TBXA2R: variants seen among roughly 807,000 people sequenced by gnomAD.
The protein encoded by TBXA2R is thromboxane A2 receptor, also known as prostanoid TP receptor.
TBXA2R carries 15 observed loss-of-function variants against 15.6 expected under a neutral mutation model. The observed-to-expected ratio is 0.96, with a 90% CI of 0.64 to 1.48. TBXA2R has a LOEUF of 1.48. TBXA2R is among the 40% of genes most tolerant of loss of function. The pLI is 0.00. For synonymous variants in TBXA2R, 280 were observed against 241.2 expected (o/e 1.16, Z -1.49); for missense variants, 506 against 491.4 (o/e 1.03, Z -0.28).
chr19:3,594,648 A>C lies in TBXA2R; in HGVS notation c.*1040T>G. On this transcript the variant is annotated 3_prime_UTR_variant, in exon 3 of 3. Coordinates refer to ENST00000375190, the MANE Select transcript of TBXA2R (RefSeq NM_001060.6). ...CCCATCAAGTGATTAGGAAACACTC[A>C]AGAAACAAGGTGGGGGAGGAACCGA... The C allele has an allele frequency of 1.9e-6, 1 of 518,888 alleles. No individual in the cohort carries two copies. Among genetic ancestry groups the C allele is most frequent in the East Asian group, 3.3e-5 (1 of 30,386 alleles). 32.1% of individuals were successfully genotyped at this position (518,888 alleles called of 1,614,324 possible).
At chr19:3,605,325 G>A (rs915470365) in intron 1 of TBXA2R, among the ~76,000 whole-genome samples, 1 of 152,248 alleles carries the variant, frequency 6.6e-6, no homozygotes, top group Non-Finnish European at 1.5e-5. Context: ...GGCCACCACC[G>A]TGTGTGCACA....
chr19:3,595,664 C>T lies in TBXA2R; in HGVS notation c.*24G>A, dbSNP rs200736764. 94 of 1,557,236 alleles carry T rather than the reference C, an allele frequency of 6.0e-5. No homozygotes were observed. The South Asian group carries it at 8.7e-4, about 14-fold the overall frequency. ...GGGCCAAGGGCTCCGCGGAAAGGCG[C>T]GGGAGGGGCGCTCTGTCCACTTCCT... is the stretch of plus-strand genomic sequence containing the variant. On this transcript the variant is annotated 3_prime_UTR_variant, in exon 3 of 3. Coordinates refer to ENST00000375190, the MANE Select transcript of TBXA2R (RefSeq NM_001060.6).
chr19:3,600,453 G>A lies in TBXA2R; in HGVS notation c.182C>T (p.Ser61Phe), dbSNP rs992006891. 5 of 1,612,818 alleles carry A rather than the reference G, an allele frequency of 3.1e-6. No individual in the cohort carries two copies. The highest frequency in any genetic ancestry group is 1.7e-5 in the Admixed American group (1 of 59,974). ...GCCGCAGAGGAAGGTGAGGAAGGAGGAGCGCGTGTGCGAACCCCCCTGCCG... is the reference window on the plus strand; with the variant it reads ...GCCGCAGAGGAAGGTGAGGAAGGAGAAGCGCGTGTGCGAACCCCCCTGCCG... ...GARQGGSHTR[S>F]SFLTFLCGLV... Residue 61 changes from serine (S) to phenylalanine (F), a missense_variant, in exon 2 of 3, where the codon TCC becomes TTC. By Grantham distance (155) the Ser-to-Phe change is radical (BLOSUM62 -2). Coordinates refer to ENST00000375190, the MANE Select transcript of TBXA2R (RefSeq NM_001060.6).
In TBXA2R at chr19:3,595,668, A is replaced by C; in HGVS notation, c.*20T>G. The C allele has an allele frequency of 6.4e-7, 1 of 1,562,506 alleles. No homozygotes were observed. Among genetic ancestry groups the C allele is most frequent in the South Asian group, 1.2e-5 (1 of 85,268 alleles). On this transcript the variant is annotated 3_prime_UTR_variant, in exon 3 of 3. Transcript: ENST00000375190. ...CAAGGGCTCCGCGGAAAGGCGCGGG[A>C]GGGGCGCTCTGTCCACTTCCTACTG...
At position 3,605,683 on chromosome 19, in the gene TBXA2R, A is replaced by G. The variant is rs139660187; in HGVS notation, c.-84+847T>C. ...GCAGAAATGTGACAGACAGAAACAC[A>G]GTAGACAGACGCACAGGCATGCACA... On this transcript the variant is annotated intron_variant, in intron 1 of 2. Transcript: ENST00000375190. Among the ~76,000 whole-genome samples the G allele has an allele frequency of 1.9e-3, 287 of 152,240 alleles. 2 individuals are homozygous for G. Among genetic ancestry groups the G allele is most frequent in the South Asian group, 8.9e-3 (43 of 4,812 alleles).
At chr19:3,596,444 G>A (rs886691858) in intron 2 of TBXA2R, among the ~76,000 whole-genome samples, 4 of 152,076 alleles carry the variant, frequency 2.6e-5, no homozygotes, top group African/African-American at 9.7e-5. Context: ...AGTGGCTCAC[G>A]CCTGTGATCT....
At chr19:3,602,089 C>T (rs537070679) in intron 1 of TBXA2R, among the ~76,000 whole-genome samples, 5 of 152,088 alleles carry the variant, frequency 3.3e-5, no homozygotes, top group East Asian at 1.9e-4. Context: ...GGCGTGGTGG[C>T]GGGAGCCTGT....
Position 3,595,641 on chromosome 19 carries a change from G to T in TBXA2R, c.*47C>A, listed in dbSNP as rs201515360. ...AACAGGCAGATGGGCTGTCCGAGGG[G>T]CCAAGGGCTCCGCGGAAAGGCGCGG... On this transcript the variant is annotated 3_prime_UTR_variant, in exon 3 of 3. Transcript: ENST00000375190. The T allele has an allele frequency of 3.9e-6, 6 of 1,525,724 alleles. No homozygotes were observed. In the African/African-American group the frequency reaches 6.8e-5, roughly 17 times the overall value. 94.5% of individuals were successfully genotyped at this position (1,525,724 alleles called of 1,614,324 possible).
intron 2 of TBXA2R, among the ~76,000 whole-genome samples, chr19:3,598,896 T>C (rs2032655256): frequency 2.0e-5 from 3 of 152,088 alleles, no homozygotes; most frequent in Admixed American, 2.0e-4. Context: ...TCTCCATCTC[T>C]TGACCTCATG....
chr19:3,601,949 C>T (rs557188244), intron 1 of TBXA2R, among the ~76,000 whole-genome samples: 10 of 149,902 alleles, frequency 6.7e-5, no homozygotes, highest in African/African-American at 1.5e-4. Context: ...CGGCCAGGTG[C>T]GGTGGCTCAC....
In TBXA2R at chr19:3,600,422, G is replaced by A; in HGVS notation, c.213C>T (p.Val71=). 8 of 1,613,350 alleles carry A rather than the reference G, an allele frequency of 5.0e-6. No homozygotes were observed. The highest frequency in any genetic ancestry group is 6.8e-6 in the Non-Finnish European group (8 of 1,179,732). ...CCAGCAGCCCCAGGAAGTCGGTGAG[G>A]ACGAGGCCGCAGAGGAAGGTGAGGA... ...SSFLTFLCGL[V]LTDFLGLLVT... The change falls in exon 2 of 3, where the codon GTC becomes GTT. Residue 71 remains valine, a synonymous_variant. Coordinates refer to ENST00000375190, the MANE Select transcript of TBXA2R (RefSeq NM_001060.6).
In TBXA2R at chr19:3,594,677, C is replaced by T; in HGVS notation, c.*1011G>A. 1 of 595,784 alleles carries T rather than the reference C, an allele frequency of 1.7e-6. No individual in the cohort carries two copies. The highest frequency in any genetic ancestry group is 3.0e-5 in the East Asian group (1 of 33,388). The allele number at this position is 595,784 out of a possible 1,614,324, so 36.9% of individuals were successfully genotyped here. ...AACAAGGTGGGGGAGGAACCGAATC[C>T]TCTATGTCCCTCCCCATCCTTCCCA... On this transcript the variant is annotated 3_prime_UTR_variant, in exon 3 of 3. Coordinates refer to ENST00000375190, the MANE Select transcript of TBXA2R (RefSeq NM_001060.6).
chr19:3,594,847 T>TGGACAGAGCCTTCCC lies in TBXA2R; in HGVS notation c.*826_*840dup. 6.5e-7 allele frequency: 1 copy of TGGACAGAGCCTTCCC among 1,536,820 alleles called. No homozygotes were observed. Among genetic ancestry groups the TGGACAGAGCCTTCCC allele is most frequent in the Middle Eastern group, 1.7e-4 (1 of 5,988 alleles). The stretch of plus-strand genomic sequence containing the variant: ...GCCCCCGTTCACATTCAATCCTTTC[T>TGGACAGAGCCTTCCC]GGACAGAGCCTTCCCTGTTGGAGGT... On this transcript the variant is annotated 3_prime_UTR_variant, in exon 3 of 3. Transcript: ENST00000375190.
rs5752 is a variant in TBXA2R, at chr19:3,599,873, G to T, written c.762C>A (p.Ala254=). 340 of 1,549,180 alleles carry T rather than the reference G, an allele frequency of 2.2e-4. 3 individuals are homozygous for T. The African/African-American group carries it at 4.3e-3, about 20-fold the overall frequency. Residue 254 remains alanine (A), a synonymous_variant, in exon 2 of 3, where the codon GCC becomes GCA. Transcript: ENST00000375190. The part of the protein sequence containing the change: ...MAQLLGIMVV[A]SVCWLPLLVF... ...CCAGAAGGGGCAGCCAACACACGCT[G>T]GCCACCACCATGATCCCCAGGAGCT...
At chr19:3,603,267 C>T (rs2032772972) in intron 1 of TBXA2R, among the ~76,000 whole-genome samples, 1 of 152,230 alleles carries the variant, frequency 6.6e-6, no homozygotes, top group African/African-American at 2.4e-5. Flanking sequence ...ACGCTGTATC[C>T]AGCCTCATAA....
At position 3,600,449 on chromosome 19, in the gene TBXA2R, G is replaced by T. The variant is rs369317351; in HGVS notation, c.186C>A (p.Ser62=). The T allele has an allele frequency of 1.5e-5, 24 of 1,612,964 alleles. No homozygotes were observed. The African/African-American group carries it at 3.2e-4, about 22-fold the overall frequency. The change falls in exon 2 of 3, where the codon TCC becomes TCA. Residue 62 remains serine (S), a synonymous_variant. Coordinates refer to ENST00000375190, the MANE Select transcript of TBXA2R (RefSeq NM_001060.6). ...CGAGGCCGCAGAGGAAGGTGAGGAA[G>T]GAGGAGCGCGTGTGCGAACCCCCCT... The part of the protein sequence containing the change: ...ARQGGSHTRS[S]FLTFLCGLVL...
In TBXA2R at chr19:3,599,492, G is replaced by A. The variant is rs1030898350; in HGVS notation, c.786+357C>T. ...CTACAGGTGCCTGCCACCACGCCTG[G>A]CTAATTTTTTTGCATTTTTAGTAGA... On this transcript the variant is annotated intron_variant, in intron 2 of 2. Coordinates refer to ENST00000375190, the MANE Select transcript of TBXA2R (RefSeq NM_001060.6). 7.9e-5 allele frequency among the ~76,000 whole-genome samples: 12 copies of A among 152,180 alleles called. No individual in the cohort carries two copies. In the East Asian group the frequency reaches 2.1e-3, roughly 27 times the overall value.
intron 2 of TBXA2R, among the ~76,000 whole-genome samples, chr19:3,597,086 T>C (rs1335868378): frequency 1.3e-5 from 2 of 151,292 alleles, no homozygotes; most frequent in Admixed American, 1.3e-4. Context: ...ATTACAGGCA[T>C]GCACCACCAC....
Position 3,600,709 on chromosome 19 carries a change from C to A in TBXA2R, c.-75G>T. ...CAGACAGGGCAGGCTGGCACTGGTT[C>A]AGGCACACCTGGGAGGCGAGAGAAG... is the stretch of plus-strand genomic sequence containing the variant. On this transcript the variant is annotated 5_prime_UTR_variant, in exon 2 of 3. Coordinates refer to ENST00000375190, the MANE Select transcript of TBXA2R (RefSeq NM_001060.6). The A allele has an allele frequency of 6.5e-7, 1 of 1,536,750 alleles. No homozygotes were observed. Among genetic ancestry groups the A allele is most frequent in the South Asian group, 1.2e-5 (1 of 86,090 alleles).
Sources: gnomAD v4.1 joint callset for allele counts (sites outside exome capture counted in the v4.1 genomes callset) on GRCh38, gnomAD v4.1.1 for gene constraint, MANE v1.5 for transcripts, NCBI Gene and HGNC (gene_info 2026-07-23, HGNC 2026-07-21) for gene names.